Variants in UBR4 observed in about 807,000 individuals in gnomAD.
UBR4 encodes E3 ubiquitin-protein ligase UBR4.
A neutral mutation model predicts 575.6 loss-of-function variants in UBR4; 124 were observed. That is an observed-to-expected ratio of 0.22 (90% CI 0.19 to 0.25). The LOEUF is 0.25. Among genes scored for constraint, UBR4 ranks in the 10% least tolerant of loss-of-function variants. The pLI is 1.00. For missense variants in UBR4, 4,818 were observed against 6,478.8 expected, an observed-to-expected ratio of 0.74 and a Z score of 8.80; for synonymous variants, 2,455 against 2,473.7, an observed-to-expected ratio of 0.99 and a Z score of 0.22.
chr1:19,182,743 T>C (rs984946715), intron 17 of UBR4, among the ~76,000 whole-genome samples: 1 of 152,066 alleles, frequency 6.6e-6, no homozygotes. Context: ...ACAAGAACTA[T>C]AGAAATATAT....
Position 19,173,169 on chromosome 1 carries a change from A to G in UBR4, c.3291+12T>C. ...AACCAAGTTCTATCATTTAGGTTCC[A>G]ATATTACATACCTGTCGAGCGAAGT... On this transcript the variant is annotated intron_variant, in intron 24 of 105. Coordinates refer to ENST00000375254, the MANE Select transcript of UBR4 (RefSeq NM_020765.3). The G allele has an allele frequency of 1.2e-6, 2 of 1,614,218 alleles. No individual in the cohort carries two copies. The highest frequency in any genetic ancestry group is 1.7e-6 in the Non-Finnish European group (2 of 1,180,028).
intron 105 of UBR4, chr1:19,075,111 G>A (rs1215115702): frequency 3.4e-6 from 2 of 590,286 alleles, no homozygotes; most frequent in African/African-American, 3.7e-5. Flanking sequence ...ACTGCTGGAA[G>A]GTGTTTTTGT....
chr1:19,128,663 G>T (rs2082082714), intron 61 of UBR4, among the ~76,000 whole-genome samples: 1 of 152,208 alleles, frequency 6.6e-6, no homozygotes, highest in African/African-American at 2.4e-5. Context: ...GACAGCTAGT[G>T]AGTGGAAGAA....
At chr1:19,190,312 A>AAAAATATAT in intron 11 of UBR4, among the ~76,000 whole-genome samples, 4 of 79,908 alleles carry the variant, frequency 5.0e-5, no homozygotes, top group African/African-American at 1.6e-4. Context: ...AAAAAAAAAA[A>AAAAATATAT]ATATATATAT....
Position 19,096,042 on chromosome 1 carries a change from A to G in UBR4, c.13519-390T>C, listed in dbSNP as rs529629761. 4.4e-5 allele frequency: 10 copies of G among 226,450 alleles called. No homozygotes were observed. In the South Asian group the frequency reaches 7.4e-4, roughly 17 times the overall value. The allele number at this position is 226,450 out of a possible 1,614,324, so 14.0% of individuals were successfully genotyped here. A position where few individuals can be genotyped will look rare whatever the true frequency, so the allele number is the denominator to read the frequency against. ...GAACCACATAGGTCATTTAAAACAAAGGCACAATAATAACAATAATACATA... is the reference window on the plus strand; with the variant it reads ...GAACCACATAGGTCATTTAAAACAAGGGCACAATAATAACAATAATACATA... On this transcript the variant is annotated intron_variant, in intron 92 of 105. Transcript: ENST00000375254.
At position 19,093,638 on chromosome 1, in the gene UBR4, C is replaced by T. The variant is rs2077739686; in HGVS notation, c.13938-152G>A. 1 of 889,068 alleles carries T rather than the reference C, an allele frequency of 1.1e-6. No homozygotes were observed. The highest frequency in any genetic ancestry group is 1.7e-6 in the Non-Finnish European group (1 of 594,606). The allele number at this position is 889,068 out of a possible 1,614,324, so 55.1% of individuals were successfully genotyped here. ...GACCTATCTGCCCCGGCTCCTGCCA[C>T]TCTCCCTGTTTACCTGCTATGTCTC... On this transcript the variant is annotated intron_variant, in intron 95 of 105. Coordinates refer to ENST00000375254, the MANE Select transcript of UBR4 (RefSeq NM_020765.3). This position sits in a 1 kb window ranked among gnomAD's most constrained non-coding sequence, Gnocchi z 4.8.
At chr1:19,082,460 G>C (rs1382189246) in intron 102 of UBR4, among the ~76,000 whole-genome samples, 2 of 152,200 alleles carry the variant, frequency 1.3e-5, no homozygotes, top group Non-Finnish European at 2.9e-5. Flanking sequence ...CTGAAGCTTT[G>C]ACAAAAGGTC....
intron 59 of UBR4, among the ~76,000 whole-genome samples, chr1:19,138,860 T>C (rs993276689): frequency 1.3e-5 from 2 of 152,142 alleles, no homozygotes; most frequent in African/African-American, 4.8e-5. Context: ...TAAATATCTG[T>C]AAAATATTTC....
chr1:19,103,058 G>A (rs183926115), intron 87 of UBR4, among the ~76,000 whole-genome samples: 26 of 152,198 alleles, frequency 1.7e-4, no homozygotes, highest in Middle Eastern at 3.4e-3. Context: ...TACCTCCTCT[G>A]GAGAAACCCA....
At chr1:19,107,979 T>C (rs377285647) in intron 81 of UBR4, among the ~76,000 whole-genome samples, 1 of 152,378 alleles carries the variant, frequency 6.6e-6, no homozygotes. Context: ...ATCTGGATTC[T>C]CATATCGGTT....
chr1:19,179,406 C>T (rs1450263660), intron 17 of UBR4, among the ~76,000 whole-genome samples, 186 bp from the exon 18 acceptor site: 1 of 152,122 alleles, frequency 6.6e-6, no homozygotes, highest in Non-Finnish European at 1.5e-5. Flanking sequence ...ATGAGAAAAA[C>T]ATAAGTGAAA....
rs1455404144 is a variant in UBR4 at position 19,162,011 on chromosome 1, C to A, written c.4957-114G>T. ...GGGTGAATAGTTGACTCGCAAATGA[C>A]CCGTGGAAATCTACCACAACTGGAA... is the stretch of plus-strand genomic sequence containing the variant. On this transcript the variant is annotated intron_variant, in intron 35 of 105. Coordinates refer to ENST00000375254, the MANE Select transcript of UBR4 (RefSeq NM_020765.3). 4 of 1,189,700 alleles carry A rather than the reference C, an allele frequency of 3.4e-6. No homozygotes were observed. In the East Asian group the frequency reaches 7.6e-5, roughly 23 times the overall value. 73.7% of individuals were successfully genotyped at this position (1,189,700 alleles called of 1,614,324 possible).
At position 19,179,121 on chromosome 1, in the gene UBR4, G is replaced by A. The variant is rs554981886; in HGVS notation, c.2284C>T (p.Leu762Phe). 6 of 1,613,972 alleles carry A rather than the reference G, an allele frequency of 3.7e-6. No homozygotes were observed. The South Asian group carries it at 5.5e-5, about 15-fold the overall frequency. Residue 762 changes from leucine to phenylalanine, a missense_variant, in exon 18 of 106, where the codon CTC (leucine) becomes TTC (phenylalanine). Physicochemically the swap from Leu to Phe is conservative, Grantham distance 22 (BLOSUM62 0). Coordinates refer to ENST00000375254, the MANE Select transcript of UBR4 (RefSeq NM_020765.3). ...GCACTGGCTTTATGTTGCCAGATGA[G>A]CAGGAGGCGTGAAAGCACAGAGAGG... ...QSLSVLSRLL[L>F]IWQHKASAQG...
chr1:19,201,785 C>T lies in UBR4; in HGVS notation c.207G>A (p.Gln69=). The T allele has an allele frequency of 1.9e-6, 3 of 1,614,104 alleles. No individual in the cohort carries two copies. Among genetic ancestry groups the T allele is most frequent in the Non-Finnish European group, 2.5e-6 (3 of 1,179,982 alleles). ...CAAAAGATGAGTAGAATGGCTCGTA[C>T]TGCTTCTCATGGTGCAGGATTTCTG... ...SESEILHHEK[Q]YEPFYSSFVA... Residue 69 remains glutamine, a synonymous_variant, in exon 2 of 106, where the codon CAG becomes CAA. Transcript: ENST00000375254.
At chr1:19,134,537 A>G (rs1002695141) in intron 60 of UBR4, among the ~76,000 whole-genome samples, 4 of 152,260 alleles carry the variant, frequency 2.6e-5, no homozygotes, top group Non-Finnish European at 4.4e-5. Context: ...CAAAGATGTA[A>G]GCAGAACTCA....
At chr1:19,179,524 T>C (rs1033089160) in intron 17 of UBR4, among the ~76,000 whole-genome samples, 3 of 152,210 alleles carry the variant, frequency 2.0e-5, no homozygotes, top group Non-Finnish European at 4.4e-5. Context: ...ATTTTGTAAA[T>C]GGACAAAACA....
At chr1:19,195,116 T>C (rs1370124673) in intron 8 of UBR4, among the ~76,000 whole-genome samples, 1 of 149,626 alleles carries the variant, frequency 6.7e-6, no homozygotes. Context: ...AAAAAAAAAA[T>C]TAGCCGGGCA....
At position 19,174,944 on chromosome 1, in the gene UBR4, T is replaced by C. The variant is rs767147323; in HGVS notation, c.2853+10A>G. The C allele has an allele frequency of 6.2e-6, 10 of 1,612,048 alleles. No individual in the cohort carries two copies. Among genetic ancestry groups the C allele is most frequent in the African/African-American group, 5.3e-5 (4 of 74,852 alleles). ...CCACATATAAAATGCAGTTTTAAAA[T>C]TCCTAGTACCACAGAATCAAGTCGG... On this transcript the variant is annotated intron_variant, in intron 21 of 105. Transcript: ENST00000375254.
Position 19,086,270 on chromosome 1 carries a change from C to T in UBR4, c.14688G>A (p.Arg4896=). Residue 4896 remains arginine (R), a splice_region_variant and synonymous_variant, in exon 101 of 106, where the codon AGG becomes AGA. Transcript: ENST00000375254. ...VHYDCHLAAV[R]LARGREEWES... is the part of the protein sequence containing the mutation. Reference sequence around the variant, plus strand: ...CCCACTCTTCCCGGCCTCGAGCCAACCTGGATAGGGAGGAGAGCAGGGACA... The same window carrying T: ...CCCACTCTTCCCGGCCTCGAGCCAATCTGGATAGGGAGGAGAGCAGGGACA... 6.7e-7 allele frequency: 1 copy of T among 1,482,524 alleles called. No homozygotes were observed. The highest frequency in any genetic ancestry group is 9.1e-7 in the Non-Finnish European group (1 of 1,102,588). The allele number at this position is 1,482,524 out of a possible 1,614,324, so 91.8% of individuals were successfully genotyped here.
Sources: gnomAD v4.1 joint callset for allele counts (sites outside exome capture counted in the v4.1 genomes callset) on GRCh38, gnomAD v4.1.1 for gene constraint, Gnocchi (gnomAD v3.1) non-coding constraint, MANE v1.5 for transcripts, NCBI Gene and HGNC (gene_info 2026-07-23, HGNC 2026-07-21) for gene names.